GPR89B: variants seen among roughly 807,000 people sequenced by gnomAD.
GPR89B encodes the protein G protein-coupled receptor 89B.
Under a neutral mutation model 52.4 loss-of-function variants are expected in GPR89B, and 25 were observed. The ratio of observed to expected loss-of-function variants is 0.48; its 90% confidence interval spans 0.35 to 0.67. The LOEUF (loss-of-function observed/expected upper bound fraction) is 0.67, where lower values mean the gene tolerates loss of function less well. Ranked by LOEUF, GPR89B falls within the 30% of genes least tolerant of loss-of-function variation. The pLI is 0.01. For synonymous variants in GPR89B, 52 were observed against 151.2 expected, an observed-to-expected ratio of 0.34 and a Z score of 4.81; for missense variants, 146 against 450.2, an observed-to-expected ratio of 0.32 and a Z score of 6.11.
intron 10 of GPR89B, among the ~76,000 whole-genome samples, chr1:147,979,666 A>G (rs1476092487): frequency 4.0e-5 from 6 of 151,878 alleles, no homozygotes; most frequent in African/African-American, 7.3e-5. Flanking sequence ...TTAGTCTGCT[A>G]TAGTTGATTA....
At chr1:147,935,366 C>T (rs1467252946) in intron 1 of GPR89B, among the ~76,000 whole-genome samples, 2 of 152,086 alleles carry the variant, frequency 1.3e-5, no homozygotes, top group African/African-American at 4.8e-5. Flanking sequence ...TTTACACTTG[C>T]TCAGTAAAGT....
At chr1:147,936,010 AC>A (rs1173557877) in intron 1 of GPR89B, among the ~76,000 whole-genome samples, 2 of 151,686 alleles carry the variant, frequency 1.3e-5, no homozygotes, top group Non-Finnish European at 2.9e-5. Flanking sequence ...AGCAAGTCTC[AC>A]TCTGACACCT....
rs782307091 is a variant in GPR89B at position 147,939,996 on chromosome 1, AGT to A, written c.206+1181_206+1182del. ...TGAGACCCCATCTCTTAAAAAAAAGAGTGAGAGAGAGAGAATCAGAGTTGATA... is the reference window on the plus strand; with the variant it reads ...TGAGACCCCATCTCTTAAAAAAAAGAGAGAGAGAGAGAATCAGAGTTGATA... On this transcript the variant is annotated intron_variant, in intron 3 of 13. Coordinates refer to ENST00000314163, the MANE Select transcript of GPR89B (RefSeq NM_016334.5). Among the ~76,000 whole-genome samples the A allele has an allele frequency of 2.0e-4, 30 of 151,790 alleles. 1 individual carries two copies. The highest frequency in any genetic ancestry group is 3.8e-4 in the Non-Finnish European group (26 of 67,918).
At chr1:147,989,686 G>A (rs2149095611) in intron 12 of GPR89B, among the ~76,000 whole-genome samples, 1 of 152,090 alleles carries the variant, frequency 6.6e-6, no homozygotes, top group East Asian at 1.9e-4. Context: ...GCAGTGTTTG[G>A]CTTTTTGTCC....
At chr1:148,010,805 G>C in the GPR89B span, 5 of 152,240 alleles carry the variant, frequency 3.3e-5, no homozygotes, top group Non-Finnish European at 5.9e-5. Flanking sequence ...ATAGAGGTCT[G>C]TTATCTAGTT....
downstream of GPR89B, chr1:147,995,620 A>T: frequency 6.2e-7 from 1 of 1,608,966 alleles, no homozygotes. Context: ...TGTGCGAGTC[A>T]TGCTTTGACT....
rs1356715646 is a variant in GPR89B at position 147,955,568 on chromosome 1, T to C, written c.617+1166T>C. ...TTTCTCAGCATCCACACCAATGTTC[T>C]TTATCTTTTGCCCCTTTGATAGTAG... On this transcript the variant is annotated intron_variant, in intron 7 of 13. Transcript: ENST00000314163. 1.9e-3 allele frequency among the ~76,000 whole-genome samples: 295 copies of C among 152,248 alleles called. 3 individuals are homozygous for C. Among genetic ancestry groups the C allele is most frequent in the African/African-American group, 6.8e-3 (283 of 41,542 alleles).
the GPR89B span, among the ~76,000 whole-genome samples, chr1:148,005,962 C>G: frequency 5.8e-4 from 88 of 152,216 alleles, no homozygotes; most frequent in African/African-American, 2.1e-3. Flanking sequence ...CACCCTTTCA[C>G]AGAACACTCC....
chr1:147,999,337 G>T, the GPR89B span, among the ~76,000 whole-genome samples: 4 of 151,698 alleles, frequency 2.6e-5, no homozygotes, highest in African/African-American at 7.3e-5. Context: ...GCCCGGGCGT[G>T]TTGGCTTATA....
intron 10 of GPR89B, among the ~76,000 whole-genome samples, chr1:147,982,920 A>C (rs1197891306): frequency 1.3e-5 from 2 of 151,994 alleles, no homozygotes; most frequent in South Asian, 2.1e-4. Flanking sequence ...TGTGAATGGG[A>C]GTTCACTCAT....
the GPR89B span, among the ~76,000 whole-genome samples, chr1:148,019,337 T>C: frequency 6.6e-6 from 1 of 151,090 alleles, no homozygotes; most frequent in African/African-American, 2.5e-5. Flanking sequence ...CACCGTGTGT[T>C]CTCACTTATA....
chr1:147,991,396 A>C (rs1442761881), intron 12 of GPR89B, among the ~76,000 whole-genome samples: 1 of 152,204 alleles, frequency 6.6e-6, no homozygotes, highest in African/African-American at 2.4e-5. Context: ...TTCTGCAAAC[A>C]GGGACAATTT....
rs1445080466 is a variant in GPR89B, at chr1:147,989,738, A to G, written c.1095+1217A>G. ...AGAATGATGGTTTCCAGCTTCATCC[A>G]TGTCCCTACAAAGGACATGAACTCA... is the stretch of plus-strand genomic sequence containing the variant. On this transcript the variant is annotated intron_variant, in intron 12 of 13. Transcript: ENST00000314163. Among the ~76,000 whole-genome samples the G allele has an allele frequency of 2.6e-5, 4 of 152,176 alleles. No individual in the cohort carries two copies. The South Asian group carries it at 6.2e-4, about 24-fold the overall frequency.
downstream of GPR89B, among the ~76,000 whole-genome samples, chr1:147,994,891 A>C (rs1184875991): frequency 2.0e-5 from 3 of 152,032 alleles, no homozygotes; most frequent in African/African-American, 7.2e-5. Context: ...ACTTTTTTAG[A>C]GTCTCGGCTT....
the GPR89B span, among the ~76,000 whole-genome samples, chr1:148,003,535 C>T: frequency 1.3e-5 from 2 of 152,128 alleles, no homozygotes; most frequent in Non-Finnish European, 2.9e-5. Flanking sequence ...TTTCCCCCTA[C>T]CCCCGCCCCA....
the GPR89B span, among the ~76,000 whole-genome samples, chr1:148,020,721 CT>C: frequency 1.3e-5 from 2 of 152,044 alleles, no homozygotes; most frequent in South Asian, 4.1e-4. Context: ...GAGTCTCTGT[CT>C]GGCCCCCCAG....
chr1:148,015,051 A>T, the GPR89B span: 2 of 152,032 alleles, frequency 1.3e-5, no homozygotes, highest in Middle Eastern at 6.8e-3. Flanking sequence ...TGCCGGAGCG[A>T]GGGTCGACTG....
chr1:147,943,614 A>G (rs1654731580), intron 4 of GPR89B, 70 bp downstream of exon 4: 12 of 1,536,854 alleles, frequency 7.8e-6, no homozygotes, highest in Non-Finnish European at 1.1e-5. Flanking sequence ...AATTGTGGAT[A>G]GCTTCATTTC....
the GPR89B span, chr1:148,025,698 TG>T: frequency 1.4e-5 from 2 of 142,452 alleles, no homozygotes. Flanking sequence ...ACCATACAAG[TG>T]GGGCCCTAAT....
Sources: allele counts gnomAD v4.1 joint callset (sites outside exome capture counted in the v4.1 genomes callset), GRCh38; gene constraint gnomAD v4.1.1; transcripts MANE v1.5; gene names NCBI Gene and HGNC (gene_info 2026-07-23, HGNC 2026-07-21).